The following CTNNA3 variants were observed in gnomAD, a reference collection of about 807,000 sequenced individuals.
CTNNA3 encodes catenin alpha-3.
Under a neutral mutation model 95.7 loss-of-function variants are expected in CTNNA3, and 76 were observed. The ratio of observed to expected loss-of-function variants is 0.79; its 90% CI spans 0.66 to 0.96. The LOEUF (loss-of-function observed/expected upper bound fraction) is 0.96, where lower values mean the gene tolerates loss of function less well. Among genes scored for constraint, CTNNA3 ranks in the 40% least tolerant of loss-of-function variants. The pLI is 0.00. For synonymous variants in CTNNA3, 431 were observed against 374.4 expected (o/e 1.15, Z -1.74); for missense variants, 1,191 against 1,089.8 (o/e 1.09, Z -1.31).
chr10:67,406,548 C>G (rs927753209), intron 5 of CTNNA3, among the ~76,000 whole-genome samples: 1 of 151,860 alleles, frequency 6.6e-6, no homozygotes, highest in South Asian at 2.1e-4. Flanking sequence ...ACAAAGCTAG[C>G]TGAAGACAAT....
intron 5 of CTNNA3, among the ~76,000 whole-genome samples, chr10:67,420,206 A>C (rs1050048552): frequency 1.5e-4 from 23 of 152,216 alleles, no homozygotes; most frequent in African/African-American, 5.3e-4. Context: ...CTATCTGTGT[A>C]GTTTTTTATT....
intron 13 of CTNNA3, among the ~76,000 whole-genome samples, chr10:66,112,400 A>T (rs1448909817): frequency 6.6e-6 from 1 of 152,184 alleles, no homozygotes; most frequent in Non-Finnish European, 1.5e-5. Context: ...AATATAATTC[A>T]AAACTGCCTC....
chr10:66,726,497 A>T (rs1242274151), intron 9 of CTNNA3, among the ~76,000 whole-genome samples: 1 of 152,134 alleles, frequency 6.6e-6, no homozygotes, highest in Admixed American at 6.6e-5. Flanking sequence ...TAGTCTGGCC[A>T]ATCCAACAAT....
At chr10:67,077,413 C>A (rs1246839455) in intron 7 of CTNNA3, among the ~76,000 whole-genome samples, 1 of 152,078 alleles carries the variant, frequency 6.6e-6, no homozygotes, top group African/African-American at 2.4e-5. Flanking sequence ...TTTTGAGTCC[C>A]ACCTGACCCA....
chr10:66,391,952 C>A (rs1051098188), intron 11 of CTNNA3, among the ~76,000 whole-genome samples: 4 of 151,820 alleles, frequency 2.6e-5, no homozygotes, highest in African/African-American at 9.7e-5. Context: ...CATAAACCTA[C>A]ATTTAAAATG....
intron 2 of CTNNA3, among the ~76,000 whole-genome samples, chr10:67,622,636 T>TG (rs1266905909): frequency 6.6e-6 from 1 of 152,204 alleles, no homozygotes; most frequent in Non-Finnish European, 1.5e-5. Context: ...ACTGGACTTG[T>TG]ACTATTTTAA....
chr10:67,602,941 T>C (rs1843133923), intron 3 of CTNNA3, among the ~76,000 whole-genome samples: 1 of 152,216 alleles, frequency 6.6e-6, no homozygotes, highest in Admixed American at 6.5e-5. Flanking sequence ...AAAGGATGCT[T>C]CAACTTTTTA....
intron 1 of CTNNA3, among the ~76,000 whole-genome samples, chr10:67,655,226 G>C (rs1839987625): frequency 6.6e-6 from 1 of 152,176 alleles, no homozygotes; most frequent in Non-Finnish European, 1.5e-5. Flanking sequence ...AAACTATTCT[G>C]ATCATGTCAA....
At chr10:66,259,160 C>T (rs752771012) in intron 13 of CTNNA3, among the ~76,000 whole-genome samples, 8 of 152,176 alleles carry the variant, frequency 5.3e-5, no homozygotes, top group Non-Finnish European at 5.9e-5. Flanking sequence ...ATCCCAATAT[C>T]GGCCTGCAAC....
chr10:65,941,790 A>G (rs1670136), intron 17 of CTNNA3, among the ~76,000 whole-genome samples: 1 of 152,122 alleles, frequency 6.6e-6, no homozygotes, highest in Admixed American at 6.5e-5. Flanking sequence ...CCTGTTGGAA[A>G]CTTAACCAAA....
chr10:67,219,970 A>G lies in CTNNA3; in HGVS notation c.580-100T>C. 3 of 937,780 alleles carry G rather than the reference A, an allele frequency of 3.2e-6. No homozygotes were observed. In the East Asian group the frequency reaches 7.6e-5, roughly 24 times the overall value. 58.1% of individuals were successfully genotyped at this position (937,780 alleles called of 1,614,324 possible). On this transcript the variant is annotated intron_variant, in intron 5 of 17. Coordinates refer to ENST00000433211, the MANE Select transcript of CTNNA3 (RefSeq NM_013266.4). ...TTTTGTAAGTATAAATGAAAAGATAATAGACATGAAGAAGTCAGCTATAAG... is the reference window on the plus strand; with the variant it reads ...TTTTGTAAGTATAAATGAAAAGATAGTAGACATGAAGAAGTCAGCTATAAG...
intron 7 of CTNNA3, among the ~76,000 whole-genome samples, chr10:67,153,490 A>G (rs1347304698): frequency 7.2e-5 from 11 of 152,178 alleles, no homozygotes; most frequent in Admixed American, 7.2e-4. Flanking sequence ...CTTTTTTCAG[A>G]TAAGAAACTG....
intron 12 of CTNNA3, among the ~76,000 whole-genome samples, chr10:66,359,135 T>C (rs2092634520): frequency 6.6e-6 from 1 of 152,202 alleles, no homozygotes; most frequent in Non-Finnish European, 1.5e-5. Context: ...TCCTTCATTA[T>C]ATTCTCACCC....
At chr10:67,692,048 G>A (rs1455924563) in intron 1 of CTNNA3, among the ~76,000 whole-genome samples, 102 of 123,724 alleles carry the variant, frequency 8.2e-4, no homozygotes, top group Non-Finnish European at 1.2e-3. Flanking sequence ...CCGGCCAGCC[G>A]CCCCGTCCGG....
At chr10:67,311,401 A>C (rs1422002776) in intron 5 of CTNNA3, among the ~76,000 whole-genome samples, 1 of 152,194 alleles carries the variant, frequency 6.6e-6, no homozygotes, top group Non-Finnish European at 1.5e-5. Context: ...GAAAAATGGT[A>C]TTAAAACCAA....
Position 66,442,092 on chromosome 10 carries a change from T to C in CTNNA3, c.1532-62740A>G, listed in dbSNP as rs557038583. Reference sequence around the variant, plus strand: ...TTCTGCATCCATGGCTGCTTCTGTATTGAACACGTACAGACATTTTTCTTG... The same window carrying C: ...TTCTGCATCCATGGCTGCTTCTGTACTGAACACGTACAGACATTTTTCTTG... On this transcript the variant is annotated intron_variant, in intron 11 of 17. Transcript: ENST00000433211. Among the ~76,000 whole-genome samples the C allele has an allele frequency of 1.5e-4, 23 of 152,292 alleles. 1 individual carries two copies. The South Asian group carries it at 1.7e-3, about 11-fold the overall frequency.
intron 7 of CTNNA3, among the ~76,000 whole-genome samples, chr10:67,076,519 CTTATAAAGTAAGTCAGA>C (rs1856760807): frequency 6.6e-6 from 1 of 152,176 alleles, no homozygotes. Flanking sequence ...AGCCCTTCTT[CTTATAAAGTAAGTCAGA>C]TTCATTTGAG....
At chr10:66,209,449 G>A (rs1344358146) in intron 13 of CTNNA3, among the ~76,000 whole-genome samples, 2 of 152,118 alleles carry the variant, frequency 1.3e-5, no homozygotes, top group Admixed American at 6.6e-5. Context: ...GGTGACATTT[G>A]GAAAAGAGTT....
At chr10:67,333,889 T>G (rs528639383) in intron 5 of CTNNA3, among the ~76,000 whole-genome samples, 16 of 152,108 alleles carry the variant, frequency 1.1e-4, no homozygotes, top group African/African-American at 3.4e-4. Context: ...TTAAGAAGGA[T>G]TATGAGGCTG....
Sources: gnomAD v4.1 joint callset for allele counts (sites outside exome capture counted in the v4.1 genomes callset) on GRCh38, gnomAD v4.1.1 for gene constraint, MANE v1.5 for transcripts, NCBI Gene and HGNC (gene_info 2026-07-23, HGNC 2026-07-21) for gene names.